The following NRXN1 variants were observed in gnomAD, a reference collection of about 807,000 sequenced individuals.
NRXN1 encodes neurexin 1, also known as neurexin-1.
NRXN1 carries 39 observed loss-of-function variants against 150.9 expected under a neutral mutation model. That is an observed-to-expected ratio of 0.26 (90% confidence interval 0.20 to 0.34). The LOEUF is 0.34. Among genes scored for constraint, NRXN1 ranks in the 10% least tolerant of loss-of-function variants. The probability of loss-of-function intolerance (pLI) is 1.00; values close to 1 mark genes in which losing one functional copy is unlikely to be tolerated. For missense variants in NRXN1, 1,815 were observed against 1,949.9 expected, an observed-to-expected ratio of 0.93 and a Z score of 1.30; for synonymous variants, 924 against 757.0, an observed-to-expected ratio of 1.22 and a Z score of -3.62.
At chr2:50,370,867 C>A (rs75976120) in intron 17 of NRXN1, among the ~76,000 whole-genome samples, 41 of 151,910 alleles carry the variant, frequency 2.7e-4, no homozygotes, top group Non-Finnish European at 5.4e-4. Flanking sequence ...CTGAAAATTA[C>A]CCTCCTATGA....
At chr2:50,440,854 G>A (rs2085890439) in intron 17 of NRXN1, among the ~76,000 whole-genome samples, 1 of 152,028 alleles carries the variant, frequency 6.6e-6, no homozygotes, top group Admixed American at 6.6e-5. Context: ...CTGATCAAAT[G>A]AAAATTTTCA....
intron 21 of NRXN1, among the ~76,000 whole-genome samples, chr2:50,001,294 A>G (rs1171789370): frequency 2.0e-5 from 3 of 152,198 alleles, no homozygotes; most frequent in Non-Finnish European, 4.4e-5. Flanking sequence ...TGACTGCTCA[A>G]TAAATAGTAT....
chr2:50,860,372 A>G (rs890638827), intron 5 of NRXN1, among the ~76,000 whole-genome samples: 1 of 152,134 alleles, frequency 6.6e-6, no homozygotes, highest in African/African-American at 2.4e-5. Context: ...GTTTATAGAA[A>G]TCAGAGATTA....
intron 18 of NRXN1, among the ~76,000 whole-genome samples, chr2:50,205,829 T>C (rs1371994598): frequency 2.6e-5 from 4 of 152,016 alleles, no homozygotes; most frequent in East Asian, 1.9e-4. Flanking sequence ...GAAAACACTA[T>C]ACAAATGAAA....
chr2:50,558,997 G>A (rs1056841631), intron 8 of NRXN1, among the ~76,000 whole-genome samples: 4 of 152,156 alleles, frequency 2.6e-5, no homozygotes, highest in African/African-American at 9.7e-5. Flanking sequence ...CAGGAGAAGG[G>A]TGTGAACCTG....
At chr2:50,360,723 G>T (rs1182918644) in intron 17 of NRXN1, among the ~76,000 whole-genome samples, 1 of 152,034 alleles carries the variant, frequency 6.6e-6, no homozygotes, top group Non-Finnish European at 1.5e-5. Flanking sequence ...AAATTAACAA[G>T]GATATTCAGG....
chr2:50,562,332 T>A (rs1227348477), intron 8 of NRXN1, among the ~76,000 whole-genome samples: 1 of 147,112 alleles, frequency 6.8e-6, no homozygotes, highest in Non-Finnish European at 1.5e-5. Flanking sequence ...AGATATACGA[T>A]AGATAGATAG....
At chr2:50,626,689 G>A (rs1448411992) in intron 5 of NRXN1, among the ~76,000 whole-genome samples, 2 of 151,818 alleles carry the variant, frequency 1.3e-5, no homozygotes, top group African/African-American at 4.8e-5. Flanking sequence ...AGTTTGATAT[G>A]GAAGAATGGA....
At chr2:50,328,600 G>A (rs2076541475) in intron 17 of NRXN1, among the ~76,000 whole-genome samples, 1 of 152,192 alleles carries the variant, frequency 6.6e-6, no homozygotes. Flanking sequence ...AGCTGGCATA[G>A]TGGTGGGCAC....
intron 17 of NRXN1, among the ~76,000 whole-genome samples, chr2:50,446,182 G>A (rs539657711): frequency 6.6e-4 from 100 of 151,864 alleles, no homozygotes; most frequent in Non-Finnish European, 1.1e-3. Flanking sequence ...GCAGAAAACC[G>A]TATCAAAATA....
At chr2:51,012,329 A>C (rs937846504) in intron 2 of NRXN1, among the ~76,000 whole-genome samples, 22 of 152,142 alleles carry the variant, frequency 1.4e-4, no homozygotes, top group African/African-American at 5.3e-4. Context: ...AATGATGGTG[A>C]CTTAATTAAG....
At chr2:50,180,142 C>T (rs1178925976) in intron 18 of NRXN1, among the ~76,000 whole-genome samples, 1 of 151,910 alleles carries the variant, frequency 6.6e-6, no homozygotes, top group Admixed American at 6.6e-5. Context: ...CTGCCTCAGC[C>T]TCCTGAGTAG....
chr2:50,664,825 T>G (rs1288985588), intron 5 of NRXN1, among the ~76,000 whole-genome samples: 1 of 151,864 alleles, frequency 6.6e-6, no homozygotes, highest in Non-Finnish European at 1.5e-5. Context: ...TATTTCAGTC[T>G]TATTTTGCAA....
intron 18 of NRXN1, among the ~76,000 whole-genome samples, chr2:50,118,286 G>A (rs1347202274): frequency 6.6e-6 from 1 of 152,132 alleles, no homozygotes; most frequent in African/African-American, 2.4e-5. Context: ...TTCCTCACAA[G>A]CTCCCAGGTG....
intron 2 of NRXN1, among the ~76,000 whole-genome samples, chr2:51,022,765 C>T (rs1290473135): frequency 1.3e-5 from 2 of 152,142 alleles, no homozygotes; most frequent in Non-Finnish European, 2.9e-5. Flanking sequence ...ATTACAAGCA[C>T]CTACAAAATA....
At chr2:50,060,557 GAGGGGCC>G (rs772464179) in intron 19 of NRXN1, among the ~76,000 whole-genome samples, 10 of 152,092 alleles carry the variant, frequency 6.6e-5, no homozygotes, top group Non-Finnish European at 1.5e-4. Flanking sequence ...TGAGATTTGG[GAGGGGCC>G]AGGGATATGG....
chr2:50,678,704 A>C (rs914077358), intron 5 of NRXN1, among the ~76,000 whole-genome samples: 1 of 152,100 alleles, frequency 6.6e-6, no homozygotes, highest in African/African-American at 2.4e-5. Context: ...TTGCTAGTGC[A>C]GATAATATTC....
At chr2:50,868,145 A>T (rs1313533030) in intron 5 of NRXN1, among the ~76,000 whole-genome samples, 15 of 8,452 alleles carry the variant, frequency 1.8e-3, no homozygotes, top group African/African-American at 4.0e-3. Flanking sequence ...AAAATATTAT[A>T]TATATATATA....
In NRXN1 at chr2:50,744,843, G is replaced by A. The variant is rs1239961502; in HGVS notation, c.833-121228C>T. 2.0e-5 allele frequency among the ~76,000 whole-genome samples: 3 copies of A among 152,166 alleles called. 1 individual carries two copies. Among genetic ancestry groups the A allele is most frequent in the Admixed American group, 1.3e-4 (2 of 15,268 alleles). On this transcript the variant is annotated intron_variant, in intron 5 of 22. Transcript: ENST00000401669. ...CACAGAATGTTAAAAGTAGCATGGA[G>A]TAGTATGAGATAAAATTAAACATTT...
Sources: allele counts gnomAD v4.1 joint callset (sites outside exome capture counted in the v4.1 genomes callset), GRCh38; gene constraint gnomAD v4.1.1; transcripts MANE v1.5; gene names NCBI Gene and HGNC (gene_info 2026-07-23, HGNC 2026-07-21).